DLGAP3: variants seen among roughly 807,000 people sequenced by gnomAD.
The protein encoded by DLGAP3 is disks large-associated protein 3.
A neutral mutation model predicts 81.2 loss-of-function variants in DLGAP3; 17 were observed. That is an observed-to-expected ratio of 0.21 (90% CI 0.14 to 0.31). The LOEUF is 0.31. Among genes scored for constraint, DLGAP3 ranks in the 10% least tolerant of loss-of-function variants. The pLI, the probability that DLGAP3 is intolerant of heterozygous loss-of-function variation, is 1.00. For missense variants in DLGAP3, 1,124 were observed against 1,388.0 expected (o/e 0.81, Z 3.02); for synonymous variants, 577 against 587.4 (o/e 0.98, Z 0.26).
chr1:34,911,517 C>T (rs1160021479), intron 1 of DLGAP3, among the ~76,000 whole-genome samples: 14 of 152,130 alleles, frequency 9.2e-5, no homozygotes, highest in African/African-American at 1.2e-4. Context: ...TGGGGGCCGA[C>T]GGAAGCAGCC....
Position 34,904,151 on chromosome 1 carries a change from C to A in DLGAP3, c.1107+126G>T. On this transcript the variant is annotated intron_variant, in intron 3 of 11. Coordinates refer to ENST00000373347, the MANE Select transcript of DLGAP3 (RefSeq NM_001080418.3). This position sits in a 1 kb window ranked among gnomAD's most constrained non-coding sequence, Gnocchi z 8.1. ...AGTGACCCAATGGGGCAGGGCAGAG[C>A]CTCCCTACACCCAGGCCCTCCATCA... The A allele has an allele frequency of 8.4e-7, 1 of 1,193,488 alleles. No homozygotes were observed. The highest frequency in any genetic ancestry group is 1.2e-6 in the Non-Finnish European group (1 of 814,628). 73.9% of individuals were successfully genotyped at this position (1,193,488 alleles called of 1,614,324 possible). A position where few individuals can be genotyped will look rare whatever the true frequency, so the allele number is the denominator to read the frequency against.
chr1:34,888,697 C>A (rs557254436), intron 5 of DLGAP3, among the ~76,000 whole-genome samples: 10 of 152,044 alleles, frequency 6.6e-5, no homozygotes, highest in South Asian at 4.2e-4. Flanking sequence ...AAGTTAAGTT[C>A]TCTCATATTT....
chr1:34,885,171 C>A, intron 7 of DLGAP3, 108 bp from the exon 8 acceptor site: 1 of 1,080,726 alleles, frequency 9.3e-7, no homozygotes, highest in Non-Finnish European at 1.4e-6. Flanking sequence ...GCAGGTCCTG[C>A]AAAGACCATC....
intron 5 of DLGAP3, among the ~76,000 whole-genome samples, chr1:34,887,407 T>TA (rs66505362): frequency 0.016 from 2,297 of 144,466 alleles, 25 homozygotes; most frequent in Non-Finnish European, 0.025. Flanking sequence ...TCCATGGTGT[T>TA]AAAAAAAAAA....
At chr1:34,886,943 CTTTTTTTT>C (rs949966445) in intron 5 of DLGAP3, among the ~76,000 whole-genome samples, 1 of 64,300 alleles carries the variant, frequency 1.6e-5, no homozygotes, top group Non-Finnish European at 3.0e-5. Context: ...CCCCCACCTT[CTTTTTTTT>C]TTTTTTTTTT....
chr1:34,911,544 A>G (rs950726178), intron 1 of DLGAP3, among the ~76,000 whole-genome samples: 1 of 152,114 alleles, frequency 6.6e-6, no homozygotes, highest in African/African-American at 2.4e-5. Flanking sequence ...GCAGTAGCCT[A>G]TGGCTGGCTG....
intron 1 of DLGAP3, among the ~76,000 whole-genome samples, chr1:34,912,656 G>A (rs906713281): frequency 8.5e-5 from 13 of 152,064 alleles, no homozygotes; most frequent in Admixed American, 6.5e-4. Flanking sequence ...TGTTGGCCTG[G>A]CTCCTCCATG....
chr1:34,906,034 T>TATATATATATATATATA (rs1557492434), intron 2 of DLGAP3, among the ~76,000 whole-genome samples: 6 of 39,128 alleles, frequency 1.5e-4, no homozygotes, highest in Admixed American at 5.5e-4. Context: ...ATATATATAT[T>TATATATATATATATATA]TGTTTGTTTT....
intron 1 of DLGAP3, among the ~76,000 whole-genome samples, chr1:34,913,575 C>A (rs1231947488): frequency 6.6e-6 from 1 of 152,180 alleles, no homozygotes; most frequent in Non-Finnish European, 1.5e-5. Context: ...AAATTATTTT[C>A]TTTGTCTATT....
intron 3 of DLGAP3, among the ~76,000 whole-genome samples, chr1:34,903,846 T>G (rs1302340087): frequency 6.6e-6 from 1 of 152,202 alleles, no homozygotes; most frequent in Non-Finnish European, 1.5e-5. Context: ...CCATCCGGAT[T>G]ATAGCAGAAA....
chr1:34,885,203 C>T (rs889205858), intron 7 of DLGAP3, 140 bp from the exon 8 acceptor site: 2 of 897,134 alleles, frequency 2.2e-6, no homozygotes, highest in Admixed American at 4.2e-5. Context: ...GATGAGAGAC[C>T]CAGGCGGTCG....
intron 1 of DLGAP3, among the ~76,000 whole-genome samples, chr1:34,917,756 A>G (rs1639739145): frequency 6.6e-6 from 1 of 152,220 alleles, no homozygotes; most frequent in African/African-American, 2.4e-5. Flanking sequence ...ATTTCACAGC[A>G]TTTAGGCACC....
At position 34,873,312 on chromosome 1, in the gene DLGAP3, T is replaced by TA. The variant is rs1639006350; in HGVS notation, c.2001-4224dup. On this transcript the variant is annotated intron_variant, in intron 8 of 11. Coordinates refer to ENST00000373347, the MANE Select transcript of DLGAP3 (RefSeq NM_001080418.3). The surrounding 1 kb of genome is among the most constrained non-coding windows in gnomAD (Gnocchi z 4.2). ...AATGAAGTGGGCGATGGGGGGTGGT[T>TA]ATCTGCTGGAGATGTCTGGGGAGTA... Among the ~76,000 whole-genome samples, 1 of 152,172 alleles carries TA rather than the reference T, an allele frequency of 6.6e-6. No homozygotes were observed. The highest frequency in any genetic ancestry group is 6.5e-5 in the Admixed American group (1 of 15,272).
intron 1 of DLGAP3, among the ~76,000 whole-genome samples, chr1:34,913,142 G>A (rs983445752): frequency 4.6e-5 from 7 of 152,186 alleles, no homozygotes; most frequent in African/African-American, 1.2e-4. Context: ...AAGGAAGAAG[G>A]GGGAACAGAA....
chr1:34,877,613 A>C (rs576332537), intron 8 of DLGAP3, among the ~76,000 whole-genome samples: 1 of 152,364 alleles, frequency 6.6e-6, no homozygotes, highest in East Asian at 1.9e-4. Flanking sequence ...AAGAGGTATA[A>C]TCAAACTACT....
chr1:34,876,122 C>CAA (rs1639052744), intron 8 of DLGAP3, among the ~76,000 whole-genome samples: 1 of 152,038 alleles, frequency 6.6e-6, no homozygotes, highest in Non-Finnish European at 1.5e-5. Context: ...AATACAGATC[C>CAA]AATAAATATC....
At chr1:34,866,592 AG>A (rs750007762) in intron 11 of DLGAP3, among the ~76,000 whole-genome samples, 1 of 152,142 alleles carries the variant, frequency 6.6e-6, no homozygotes, top group Non-Finnish European at 1.5e-5. Context: ...GACCCGAAGG[AG>A]GGAGTTCCCG....
At chr1:34,918,322 G>T (rs1164909079) in intron 1 of DLGAP3, among the ~76,000 whole-genome samples, 1 of 152,350 alleles carries the variant, frequency 6.6e-6, no homozygotes, top group African/African-American at 2.4e-5. Context: ...GGTCTATGGG[G>T]ATGGCAAGCA....
rs1166698891 is a variant in DLGAP3 at position 34,875,941 on chromosome 1, T to C, written c.2001-6852A>G. 3.3e-5 allele frequency among the ~76,000 whole-genome samples: 5 copies of C among 152,240 alleles called. 1 individual carries two copies. On this transcript the variant is annotated intron_variant, in intron 8 of 11. Coordinates refer to ENST00000373347, the MANE Select transcript of DLGAP3 (RefSeq NM_001080418.3). The stretch of plus-strand genomic sequence containing the variant: ...CCCCTCTGGCAGACTCAAAGCCCCA[T>C]AGTCTACACTGTCATGGCTCACATG...
Sources: allele counts gnomAD v4.1 joint callset (sites outside exome capture counted in the v4.1 genomes callset), GRCh38; gene constraint gnomAD v4.1.1; non-coding constraint Gnocchi (gnomAD v3.1); transcripts MANE v1.5; gene names NCBI Gene and HGNC (gene_info 2026-07-23, HGNC 2026-07-21).